The following PDZD2 variants were observed in gnomAD, a reference collection of about 807,000 sequenced individuals.
The protein encoded by PDZD2 is PDZ domain-containing protein 2.
In PDZD2, 90 loss-of-function variants were observed where a neutral mutation model predicts 220.7. That is an observed-to-expected ratio of 0.41 (90% CI 0.34 to 0.49). PDZD2 has a LOEUF of 0.49. Ranked by LOEUF, PDZD2 falls within the 20% of genes least tolerant of loss-of-function variation. The pLI is 0.28. For synonymous variants in PDZD2, 1,375 were observed against 1,450.5 expected (o/e 0.95, Z 1.18); for missense variants, 3,174 against 3,608.5 (o/e 0.88, Z 3.08).
intron 14 of PDZD2, among the ~76,000 whole-genome samples, chr5:32,062,285 A>G (rs2112348566): frequency 6.6e-6 from 1 of 152,372 alleles, no homozygotes; most frequent in Admixed American, 6.5e-5. Context: ...TTGGGGAAAA[A>G]ATAAAGCCCA....
chr5:31,988,320 C>CT (rs1323938119), intron 3 of PDZD2, among the ~76,000 whole-genome samples: 3 of 151,872 alleles, frequency 2.0e-5, no homozygotes, highest in South Asian at 2.1e-4. Flanking sequence ...TCACTGCTTT[C>CT]TTTTTTTCTT....
chr5:31,879,003 A>G (rs1198837732), intron 2 of PDZD2, among the ~76,000 whole-genome samples: 1 of 152,182 alleles, frequency 6.6e-6, no homozygotes, highest in Admixed American at 6.5e-5. Flanking sequence ...CAGTTGGACC[A>G]GGACATTGAT....
chr5:31,801,432 G>C (rs560141716), intron 2 of PDZD2, among the ~76,000 whole-genome samples: 2 of 152,188 alleles, frequency 1.3e-5, no homozygotes, highest in South Asian at 2.1e-4. Context: ...CTTCCTGGAG[G>C]CTGGGTCCAG....
At position 31,975,171 on chromosome 5, in the gene PDZD2, C is replaced by T. The variant is rs180670653; in HGVS notation, c.477-7984C>T. Among the ~76,000 whole-genome samples the T allele has an allele frequency of 3.9e-5, 6 of 152,274 alleles. No homozygotes were observed. The East Asian group carries it at 1.2e-3, about 29-fold the overall frequency. ...TTTTCACGCTGCTAATAAAGACACA[C>T]CCGAGACTGGGTGATTTATAGAGGA... On this transcript the variant is annotated intron_variant, in intron 2 of 24. Transcript: ENST00000438447.
chr5:31,891,914 C>CTT (rs5867114), intron 2 of PDZD2, among the ~76,000 whole-genome samples: 14,593 of 150,430 alleles, frequency 0.097, 868 homozygotes, highest in African/African-American at 0.16. Flanking sequence ...GTCATGCCTT[C>CTT]TTTTTTTTTG....
At chr5:31,701,018 A>G (rs1747582445) in intron 1 of PDZD2, among the ~76,000 whole-genome samples, 2 of 152,150 alleles carry the variant, frequency 1.3e-5, no homozygotes, top group African/African-American at 4.8e-5. Flanking sequence ...GCTGTGCCCA[A>G]GGGGGGACAG....
intron 2 of PDZD2, among the ~76,000 whole-genome samples, chr5:31,861,111 C>G (rs1463458195): frequency 6.6e-6 from 1 of 152,122 alleles, no homozygotes; most frequent in Non-Finnish European, 1.5e-5. Flanking sequence ...AAATAGATGG[C>G]CCTTTTGCTT....
At chr5:31,645,609 A>T (rs1439427153) in intron 1 of PDZD2, among the ~76,000 whole-genome samples, 1 of 152,176 alleles carries the variant, frequency 6.6e-6, no homozygotes, top group African/African-American at 2.4e-5. Flanking sequence ...TGCTGAGATT[A>T]CAGGCGTGAG....
intron 3 of PDZD2, among the ~76,000 whole-genome samples, chr5:31,995,321 T>A (rs1326542087): frequency 6.6e-6 from 1 of 152,216 alleles, no homozygotes; most frequent in Non-Finnish European, 1.5e-5. Context: ...AAGCACTCAA[T>A]AGCCACCTGT....
At chr5:32,075,057 C>T (rs1255372890) in intron 18 of PDZD2, among the ~76,000 whole-genome samples, 1 of 152,168 alleles carries the variant, frequency 6.6e-6, no homozygotes, top group African/African-American at 2.4e-5. Context: ...GGTGATCCAC[C>T]TGCCTCGGCC....
At chr5:32,026,068 T>G (rs1200181519) in intron 6 of PDZD2, among the ~76,000 whole-genome samples, 1 of 152,218 alleles carries the variant, frequency 6.6e-6, no homozygotes, top group Non-Finnish European at 1.5e-5. Context: ...TTGACTCTGC[T>G]GCTGTATCAG....
intron 2 of PDZD2, among the ~76,000 whole-genome samples, chr5:31,844,778 A>T (rs1757501196): frequency 6.6e-6 from 1 of 152,192 alleles, no homozygotes; most frequent in South Asian, 2.1e-4. Context: ...AAGGCCCTTC[A>T]TGGTAACACA....
chr5:31,955,314 T>G (rs1009256574), intron 2 of PDZD2, among the ~76,000 whole-genome samples: 7 of 151,998 alleles, frequency 4.6e-5, no homozygotes, highest in African/African-American at 9.7e-5. Context: ...TTGTTTTGTT[T>G]TTTCGAGACG....
chr5:32,021,222 C>T (rs1294099088), intron 6 of PDZD2, among the ~76,000 whole-genome samples: 1 of 151,954 alleles, frequency 6.6e-6, no homozygotes, highest in Admixed American at 6.6e-5. Flanking sequence ...ACAAACTCCT[C>T]ACCCCACCCC....
chr5:31,639,649 C>T lies in PDZD2; in HGVS notation c.-361+212C>T, dbSNP rs916125817. 1.3e-5 allele frequency among the ~76,000 whole-genome samples: 2 copies of T among 152,104 alleles called. No individual in the cohort carries two copies. Among genetic ancestry groups the T allele is most frequent in the African/African-American group, 4.8e-5 (2 of 41,434 alleles). ...AACTCCTCTAGCATCCGGCCGGGGA[C>T]GGGGAGGGCGCAGCCCAGGGGAGGG... On this transcript the variant is annotated intron_variant, in intron 1 of 24. Transcript: ENST00000438447. The surrounding 1 kb of genome is among the most constrained non-coding windows in gnomAD (Gnocchi z 4.1).
chr5:31,673,147 C>G (rs1465797629), intron 1 of PDZD2, among the ~76,000 whole-genome samples: 1 of 152,172 alleles, frequency 6.6e-6, no homozygotes, highest in Admixed American at 6.5e-5. Context: ...AGTGGCAGGG[C>G]TCCCCTGGGA....
rs1745151917 is a variant in PDZD2, at chr5:31,646,794, C to T, written c.-361+7357C>T. On this transcript the variant is annotated intron_variant, in intron 1 of 24. Transcript: ENST00000438447. This position sits in a 1 kb window ranked among gnomAD's most constrained non-coding sequence, Gnocchi z 4.7. ...CCTCCACAGTTTGCCACTGCCCACT[C>T]TCCACTCCTACCCCGCCCTGGCCAC... Among the ~76,000 whole-genome samples, 1 of 152,200 alleles carries T rather than the reference C, an allele frequency of 6.6e-6. No individual in the cohort carries two copies. The highest frequency in any genetic ancestry group is 2.4e-5 in the African/African-American group (1 of 41,456).
intron 3 of PDZD2, among the ~76,000 whole-genome samples, chr5:31,993,927 A>G (rs1479789130): frequency 6.6e-6 from 1 of 152,184 alleles, no homozygotes; most frequent in African/African-American, 2.4e-5. Context: ...AAGTAAGGAG[A>G]CAAGCAGAGG....
intron 2 of PDZD2, among the ~76,000 whole-genome samples, chr5:31,838,929 G>A (rs1224161724): frequency 6.6e-6 from 1 of 152,174 alleles, no homozygotes; most frequent in Non-Finnish European, 1.5e-5. Context: ...GGTTGGGAGA[G>A]AGGGCTCAGC....
Sources: allele counts gnomAD v4.1 joint callset (sites outside exome capture counted in the v4.1 genomes callset), GRCh38; gene constraint gnomAD v4.1.1; non-coding constraint Gnocchi (gnomAD v3.1); transcripts MANE v1.5; gene names NCBI Gene and HGNC (gene_info 2026-07-23, HGNC 2026-07-21).